Variants in EHD3 observed in about 807,000 individuals in gnomAD.
EHD3 encodes EH domain containing 3.
EHD3 carries 17 observed loss-of-function variants against 43.0 expected under a neutral mutation model. The ratio of observed to expected loss-of-function variants is 0.40; its 90% CI spans 0.27 to 0.59. The LOEUF (loss-of-function observed/expected upper bound fraction) is 0.59. EHD3 is among the 20% of genes least tolerant of loss of function. The probability of loss-of-function intolerance (pLI) is 0.49; values close to 1 mark genes in which losing one functional copy is unlikely to be tolerated. For missense variants in EHD3, 594 were observed against 705.6 expected (o/e 0.84, Z 1.79); for synonymous variants, 313 against 289.5 (o/e 1.08, Z -0.82).
At chr2:31,235,537 C>T (rs1360824753) in intron 1 of EHD3, among the ~76,000 whole-genome samples, 2 of 152,064 alleles carry the variant, frequency 1.3e-5, no homozygotes, top group Admixed American at 6.6e-5. Context: ...TTGGCATTGT[C>T]TCATCCAGTT....
At chr2:31,237,405 A>ATTTTTGT (rs1439148091) in intron 1 of EHD3, among the ~76,000 whole-genome samples, 1 of 151,674 alleles carries the variant, frequency 6.6e-6, no homozygotes, top group East Asian at 1.9e-4. Flanking sequence ...TGGCTTGTTT[A>ATTTTTGT]TTTTTGTTTT....
chr2:31,250,896 A>C lies in EHD3; in HGVS notation c.502+1428A>C, dbSNP rs938532024. ...TGGACCTAGGTAGGTGACTGTCTGCATGTGCCTTCACCCTCTGTGCTCTGT... is the reference window on the plus strand; with the variant it reads ...TGGACCTAGGTAGGTGACTGTCTGCCTGTGCCTTCACCCTCTGTGCTCTGT... On this transcript the variant is annotated intron_variant, in intron 3 of 5. Transcript: ENST00000322054. Among the ~76,000 whole-genome samples the C allele has an allele frequency of 5.3e-5, 8 of 152,210 alleles. No individual in the cohort carries two copies. The East Asian group carries it at 1.5e-3, about 29-fold the overall frequency.
chr2:31,234,642 G>C lies in EHD3; in HGVS notation c.21G>C (p.Thr7=), dbSNP rs1181509191. The C allele has an allele frequency of 6.2e-7, 1 of 1,613,796 alleles. No homozygotes were observed. The highest frequency in any genetic ancestry group is 8.5e-7 in the Non-Finnish European group (1 of 1,180,006). Residue 7 remains threonine, a synonymous_variant, in exon 1 of 6, where the codon ACG becomes ACC. Transcript: ENST00000322054. The part of the protein sequence containing the change: MFSWLG[T]DDRRRKDPEV... ...CCGCGATGTTCAGCTGGCTGGGTACGGACGACCGCCGGAGGAAGGACCCCG... is the reference window on the plus strand; with the variant it reads ...CCGCGATGTTCAGCTGGCTGGGTACCGACGACCGCCGGAGGAAGGACCCCG...
At chr2:31,256,346 C>T (rs1558650869) in intron 3 of EHD3, among the ~76,000 whole-genome samples, 1 of 152,244 alleles carries the variant, frequency 6.6e-6, no homozygotes, top group African/African-American at 2.4e-5. Flanking sequence ...GACTGAGTCA[C>T]TGATTCCTCA....
At position 31,260,626 on chromosome 2, in the gene EHD3, C is replaced by T. The variant is rs1255068445; in HGVS notation, c.619C>T (p.Leu207Phe). ...TGAGTTCTCAGAAGTCATCAAAGCC[C>T]TCAAGAACCACGAGGACAAGATGCG... is the stretch of plus-strand genomic sequence containing the variant. Reference protein sequence around the residue: ...SDEFSEVIKALKNHEDKMRVV... With the variant: ...SDEFSEVIKAFKNHEDKMRVV... Residue 207 changes from leucine to phenylalanine, a missense_variant, in exon 4 of 6, where the codon CTC becomes TTC. Leu to Phe is a conservative substitution (Grantham distance 22). Around this residue, in one of 3 missense-constraint regions of EHD3, gnomAD observed 243 missense variants for 296.7 expected, o/e 0.82. Coordinates refer to ENST00000322054, the MANE Select transcript of EHD3 (RefSeq NM_014600.3). The surrounding 1 kb of genome is among the most constrained non-coding windows in gnomAD (Gnocchi z 4.6). 6.2e-7 allele frequency: 1 copy of T among 1,614,092 alleles called. No individual in the cohort carries two copies. Among genetic ancestry groups the T allele is most frequent in the Non-Finnish European group, 8.5e-7 (1 of 1,180,060 alleles).
intron 1 of EHD3, among the ~76,000 whole-genome samples, chr2:31,241,521 C>T (rs1211937394): frequency 6.6e-6 from 1 of 152,124 alleles, no homozygotes; most frequent in African/African-American, 2.4e-5. Context: ...CCCAGAACTC[C>T]CTGTGAGATA....
intron 2 of EHD3, among the ~76,000 whole-genome samples, chr2:31,245,047 A>G (rs1414961856): frequency 1.3e-5 from 2 of 152,246 alleles, no homozygotes; most frequent in East Asian, 3.8e-4. Flanking sequence ...GGGCCTTCAC[A>G]TTAATTATTC....
intron 1 of EHD3, among the ~76,000 whole-genome samples, chr2:31,243,129 T>C (rs1442071482): frequency 1.3e-5 from 2 of 151,446 alleles, no homozygotes; most frequent in African/African-American, 4.9e-5. Context: ...TACAAAAAAA[T>C]TAGCCAGGCA....
chr2:31,254,625 A>AT (rs1302510285), intron 3 of EHD3, among the ~76,000 whole-genome samples: 1 of 151,974 alleles, frequency 6.6e-6, no homozygotes, highest in African/African-American at 2.4e-5. Flanking sequence ...CTTGACGGAG[A>AT]TTTTTTTGGG....
chr2:31,263,291 T>C (rs1039684434), intron 5 of EHD3, among the ~76,000 whole-genome samples: 2 of 152,208 alleles, frequency 1.3e-5, no homozygotes, highest in African/African-American at 4.8e-5. Flanking sequence ...AGCAAACATT[T>C]GGGAAGATAA....
intron 2 of EHD3, among the ~76,000 whole-genome samples, 196 bp downstream of exon 2, chr2:31,244,646 G>C (rs1431769955): frequency 6.6e-6 from 1 of 152,114 alleles, no homozygotes; most frequent in African/African-American, 2.4e-5. Context: ...GCAAATGCTG[G>C]GTTGATTCCT....
chr2:31,262,991 T>A (rs1336880505), intron 5 of EHD3, among the ~76,000 whole-genome samples: 2 of 152,234 alleles, frequency 1.3e-5, no homozygotes, highest in Non-Finnish European at 1.5e-5. Context: ...GCTGTTGCTC[T>A]TGTTTTGATC....
At position 31,260,870 on chromosome 2, in the gene EHD3, A is replaced by G. The variant is rs1289394891; in HGVS notation, c.863A>G (p.Asn288Ser). The G allele has an allele frequency of 6.2e-7, 1 of 1,614,048 alleles. No individual in the cohort carries two copies. Among genetic ancestry groups the G allele is most frequent in the Non-Finnish European group, 8.5e-7 (1 of 1,179,980 alleles). The stretch of plus-strand genomic sequence containing the variant: ...AGGGACATCCAGAGTCTGCCCCGAA[A>G]TGCTGCCCTGCGCAAGCTCAACGAC... ...LFRDIQSLPR[N>S]AALRKLNDLI... is the part of the protein sequence containing the mutation. The change falls in exon 4 of 6, where the codon AAT becomes AGT. Residue 288 changes from asparagine to serine, a missense_variant. Physicochemically the swap from Asn to Ser is conservative, Grantham distance 46. Coordinates refer to ENST00000322054, the MANE Select transcript of EHD3 (RefSeq NM_014600.3). This position sits in a 1 kb window ranked among gnomAD's most constrained non-coding sequence, Gnocchi z 4.6.
rs773647068 is a variant in EHD3 at position 31,249,468 on chromosome 2, G to A, written c.502G>A (p.Gly168Arg). 2 of 1,614,040 alleles carry A rather than the reference G, an allele frequency of 1.2e-6. No individual in the cohort carries two copies. The highest frequency in any genetic ancestry group is 2.2e-5 in the South Asian group (2 of 91,074). ...LSGEKQRISR[G>R]YDFAAVLEWF... ...TGGGGAGAAGCAGAGGATCAGCCGG[G>A]GTAAGCAACCTGCCTGAGGGGTGTT... is the stretch of plus-strand genomic sequence containing the variant. The change falls in exon 3 of 6, where the codon GGG becomes AGG. Residue 168 changes from glycine (G) to arginine (R), a missense_variant and splice_region_variant. Physicochemically the swap from Gly to Arg is moderately radical, Grantham distance 125. Coordinates refer to ENST00000322054, the MANE Select transcript of EHD3 (RefSeq NM_014600.3).
intron 2 of EHD3, among the ~76,000 whole-genome samples, chr2:31,248,895 C>T (rs987376364): frequency 6.6e-6 from 1 of 152,138 alleles, no homozygotes; most frequent in Non-Finnish European, 1.5e-5. Flanking sequence ...CCTCCTGCCC[C>T]GCTAGTCCCT....
chr2:31,250,547 G>A (rs992491687), intron 3 of EHD3, among the ~76,000 whole-genome samples: 15 of 152,104 alleles, frequency 9.9e-5, no homozygotes, highest in African/African-American at 1.9e-4. Flanking sequence ...GATTACAGGC[G>A]GGAACCACCG....
chr2:31,237,374 T>C (rs966915258), intron 1 of EHD3, among the ~76,000 whole-genome samples: 22 of 152,258 alleles, frequency 1.4e-4, no homozygotes, highest in African/African-American at 5.1e-4. Flanking sequence ...GAGATCATGC[T>C]ATACATATAA....
At chr2:31,242,748 C>T (rs1033907375) in intron 1 of EHD3, among the ~76,000 whole-genome samples, 6 of 152,014 alleles carry the variant, frequency 3.9e-5, no homozygotes, top group Non-Finnish European at 7.4e-5. Flanking sequence ...CACCTGAGGT[C>T]GGGAGTTCGA....
rs1683961706 is a variant in EHD3, at chr2:31,266,780, AC to A, written c.*77del. ...GGTGACTACACACACACACACACAC[AC>A]ACACACACACACAAACATGCACACA... On this transcript the variant is annotated 3_prime_UTR_variant, in exon 6 of 6. Coordinates refer to ENST00000322054, the MANE Select transcript of EHD3 (RefSeq NM_014600.3). The surrounding 1 kb of genome is among the most constrained non-coding windows in gnomAD (Gnocchi z 5.1). The A allele has an allele frequency of 4.2e-6, 6 of 1,412,162 alleles. No homozygotes were observed. In the East Asian group the frequency reaches 9.3e-5, roughly 22 times the overall value. The allele number at this position is 1,412,162 out of a possible 1,614,324, so 87.5% of individuals were successfully genotyped here. A position where few individuals can be genotyped will look rare whatever the true frequency, so the allele number is the denominator to read the frequency against.
Sources: allele counts gnomAD v4.1 joint callset (sites outside exome capture counted in the v4.1 genomes callset), GRCh38; gene constraint gnomAD v4.1.1; regional missense constraint gnomAD v4.1.1; non-coding constraint Gnocchi (gnomAD v3.1); transcripts MANE v1.5; gene names NCBI Gene and HGNC (gene_info 2026-07-23, HGNC 2026-07-21).